Variants in CAMTA1 observed in about 807,000 individuals in gnomAD.
CAMTA1 encodes calmodulin binding transcription activator 1, also known as calmodulin-binding transcription activator 1.
In CAMTA1, 27 loss-of-function variants were observed where a neutral mutation model predicts 170.9. The ratio of observed to expected loss-of-function variants is 0.16; its 90% CI spans 0.12 to 0.22. The LOEUF is 0.22. CAMTA1 is among the 10% of genes least tolerant of loss of function. CAMTA1 has a pLI of 1.00. For synonymous variants in CAMTA1, 833 were observed against 891.5 expected, an observed-to-expected ratio of 0.93 and a Z score of 1.17; for missense variants, 1,619 against 2,217.2, an observed-to-expected ratio of 0.73 and a Z score of 5.42.
At chr1:7,698,074 A>AGCCCC (rs2096395937) in intron 11 of CAMTA1, among the ~76,000 whole-genome samples, 1 of 98,640 alleles carries the variant, frequency 1.0e-5, no homozygotes, top group Non-Finnish European at 2.2e-5. Flanking sequence ...ACGCACTGTG[A>AGCCCC]CCCCCCCCCC....
At chr1:7,541,972 G>A (rs570148779) in intron 6 of CAMTA1, among the ~76,000 whole-genome samples, 2 of 152,302 alleles carry the variant, frequency 1.3e-5, no homozygotes, top group Admixed American at 1.3e-4. Context: ...AGAACCAAGC[G>A]TTACACCCCA....
At chr1:7,525,481 T>C (rs905840656) in intron 6 of CAMTA1, among the ~76,000 whole-genome samples, 16 of 152,110 alleles carry the variant, frequency 1.1e-4, no homozygotes, top group African/African-American at 3.4e-4. Context: ...TTTCTTTATA[T>C]GCAAATCTCT....
rs114529515 is a variant in CAMTA1, at chr1:7,317,963, C to T, written c.438+68337C>T. Among the ~76,000 whole-genome samples, 1,374 of 152,336 alleles carry T rather than the reference C, an allele frequency of 9.0e-3. 24 individuals carry two copies. The highest frequency in any genetic ancestry group is 0.031 in the African/African-American group (1,289 of 41,570). ...GATGTACTTGCTTTGCCTATTGAGGCCCTTCCTACCACCCAGGCTCTGATG... is the reference window on the plus strand; with the variant it reads ...GATGTACTTGCTTTGCCTATTGAGGTCCTTCCTACCACCCAGGCTCTGATG... On this transcript the variant is annotated intron_variant, in intron 5 of 22. Coordinates refer to ENST00000303635, the MANE Select transcript of CAMTA1 (RefSeq NM_015215.4).
chr1:7,327,957 T>G (rs1192179037), intron 5 of CAMTA1, among the ~76,000 whole-genome samples: 1 of 152,212 alleles, frequency 6.6e-6, no homozygotes, highest in South Asian at 2.1e-4. Context: ...TGTTTGTTTT[T>G]TTTTCCCTCC....
At chr1:7,244,334 G>A (rs1036736239) in intron 4 of CAMTA1, among the ~76,000 whole-genome samples, 25 of 152,184 alleles carry the variant, frequency 1.6e-4, no homozygotes, top group Non-Finnish European at 2.8e-4. Context: ...TCGGTGTGGC[G>A]ATTCCTCAGG....
chr1:7,353,188 A>C (rs1484908809), intron 5 of CAMTA1, among the ~76,000 whole-genome samples: 1 of 152,128 alleles, frequency 6.6e-6, no homozygotes, highest in Non-Finnish European at 1.5e-5. Context: ...TGCACAATAA[A>C]ATTACATGAG....
intron 3 of CAMTA1, among the ~76,000 whole-genome samples, chr1:6,843,153 T>C (rs1656579545): frequency 6.6e-6 from 1 of 152,214 alleles, no homozygotes; most frequent in South Asian, 2.1e-4. Context: ...TTTACACTTT[T>C]TTCCTTTCTG....
intron 3 of CAMTA1, among the ~76,000 whole-genome samples, chr1:6,969,491 G>A (rs558161809): frequency 6.6e-6 from 1 of 152,294 alleles, no homozygotes; most frequent in East Asian, 1.9e-4. Context: ...GCTTTGGGGC[G>A]GTGAGGAGGG....
intron 4 of CAMTA1, among the ~76,000 whole-genome samples, chr1:7,152,352 G>T (rs1175168685): frequency 6.6e-6 from 1 of 152,116 alleles, no homozygotes; most frequent in Non-Finnish European, 1.5e-5. Context: ...TTCCATATAA[G>T]TCTCTCATGT....
chr1:7,457,082 C>T (rs987389871), intron 5 of CAMTA1, among the ~76,000 whole-genome samples: 13 of 139,512 alleles, frequency 9.3e-5, no homozygotes, highest in African/African-American at 1.7e-4. Context: ...CCGCCCCCTG[C>T]GCCAACGTGC....
At chr1:7,189,213 C>T (rs1045648013) in intron 4 of CAMTA1, among the ~76,000 whole-genome samples, 1 of 152,078 alleles carries the variant, frequency 6.6e-6, no homozygotes, top group African/African-American at 2.4e-5. Flanking sequence ...TGTAGAAAGC[C>T]TAAATGTCCA....
At chr1:7,493,290 A>AC (rs2093761614) in intron 6 of CAMTA1, among the ~76,000 whole-genome samples, 2 of 121,098 alleles carry the variant, frequency 1.7e-5, no homozygotes, top group African/African-American at 3.8e-5. Context: ...CACGCGCACA[A>AC]ACACAAACAT....
chr1:6,978,750 A>C (rs1693920534), intron 3 of CAMTA1, among the ~76,000 whole-genome samples: 1 of 152,074 alleles, frequency 6.6e-6, no homozygotes, highest in Non-Finnish European at 1.5e-5. Flanking sequence ...TAATGACCGC[A>C]TGTTTTAGAC....
intron 5 of CAMTA1, among the ~76,000 whole-genome samples, chr1:7,343,973 T>G (rs577294249): frequency 3.2e-4 from 49 of 152,248 alleles, no homozygotes; most frequent in Non-Finnish European, 5.6e-4. Context: ...TTTCTAGTTT[T>G]GTGTTAGAAA....
At chr1:7,445,679 G>A (rs1177202047) in intron 5 of CAMTA1, among the ~76,000 whole-genome samples, 4 of 152,316 alleles carry the variant, frequency 2.6e-5, no homozygotes, top group South Asian at 2.1e-4. Flanking sequence ...ATGGCTGGAC[G>A]TTCACTCACA....
intron 5 of CAMTA1, among the ~76,000 whole-genome samples, chr1:7,253,527 G>C (rs534635125): frequency 6.6e-6 from 1 of 152,186 alleles, no homozygotes; most frequent in Non-Finnish European, 1.5e-5. Context: ...ACAGATGGGA[G>C]CCACACAATT....
rs184011650 is a variant in CAMTA1 at position 7,331,505 on chromosome 1, A to G, written c.438+81879A>G. Among the ~76,000 whole-genome samples the G allele has an allele frequency of 3.0e-3, 455 of 152,324 alleles. 1 individual carries two copies. The highest frequency in any genetic ancestry group is 4.8e-3 in the Non-Finnish European group (328 of 68,026). On this transcript the variant is annotated intron_variant, in intron 5 of 22. Coordinates refer to ENST00000303635, the MANE Select transcript of CAMTA1 (RefSeq NM_015215.4). ...AAACTGAGGAAAATTAAAACAAGAG[A>G]ATACACAAGCACTGCACATTCCATG...
chr1:6,852,240 G>T (rs1371064820), intron 3 of CAMTA1, among the ~76,000 whole-genome samples: 2 of 152,018 alleles, frequency 1.3e-5, no homozygotes, highest in Non-Finnish European at 2.9e-5. Flanking sequence ...AAATGAGAAG[G>T]ATTTAAAAGA....
intron 6 of CAMTA1, among the ~76,000 whole-genome samples, chr1:7,491,294 T>A (rs1389455075): frequency 1.3e-5 from 2 of 152,190 alleles, no homozygotes; most frequent in African/African-American, 4.8e-5. Context: ...AGCCTCTTGA[T>A]GCTTGTTTAC....
Sources: gnomAD v4.1 joint callset for allele counts (sites outside exome capture counted in the v4.1 genomes callset) on GRCh38, gnomAD v4.1.1 for gene constraint, MANE v1.5 for transcripts, NCBI Gene and HGNC (gene_info 2026-07-23, HGNC 2026-07-21) for gene names.